Variants in PCDH15 observed in about 807,000 individuals in gnomAD.
PCDH15 encodes the protein protocadherin-15.
Under a neutral mutation model 178.5 loss-of-function variants are expected in PCDH15, and 129 were observed. The ratio of observed to expected loss-of-function variants is 0.72; its 90% CI spans 0.63 to 0.84. The LOEUF is 0.84. Ranked by LOEUF, PCDH15 falls within the 40% of genes least tolerant of loss-of-function variation. The probability of loss-of-function intolerance (pLI) is 0.00; values close to 1 mark genes in which losing one functional copy is unlikely to be tolerated. For synonymous variants in PCDH15, 800 were observed against 732.0 expected (o/e 1.09, Z -1.50); for missense variants, 2,230 against 2,099.9 (o/e 1.06, Z -1.21).
rs1338559516 is a variant in PCDH15, at chr10:53,940,911, T to C, written c.3187A>G (p.Ile1063Val). ...TMVGVISAAA[I>V]NQSIVYSIVS... ...ATGGAGTACACAATACTTTGATTAA[T>C]GGCAGCAGCAGAAATTACACCAACC... The change falls in exon 24 of 38, where the codon ATT becomes GTT. Residue 1063 changes from isoleucine to valine, a missense_variant. By Grantham distance (29) the Ile-to-Val change is conservative (BLOSUM62 3). Coordinates refer to ENST00000644397, the MANE Select transcript of PCDH15 (RefSeq NM_001384140.1). The C allele has an allele frequency of 6.2e-6, 10 of 1,613,684 alleles. No individual in the cohort carries two copies. Among genetic ancestry groups the C allele is most frequent in the Non-Finnish European group, 8.5e-6 (10 of 1,179,732 alleles).
At chr10:53,990,885 TGGC>T (rs1475626163) in intron 21 of PCDH15, among the ~76,000 whole-genome samples, 4 of 152,034 alleles carry the variant, frequency 2.6e-5, no homozygotes, top group Non-Finnish European at 5.9e-5. Context: ...GGTGTGGGCT[TGGC>T]GGGCCCCACA....
rs998351774 is a variant in PCDH15, at chr10:53,803,620, T to C, written c.*2959A>G. On this transcript the variant is annotated 3_prime_UTR_variant, in exon 38 of 38. Transcript: ENST00000644397. Reference sequence around the variant, plus strand: ...TGCAATTCTATGACAACTCTCAGAGTCTGTAATTAATGAGAAAGACAAATT... The same window carrying C: ...TGCAATTCTATGACAACTCTCAGAGCCTGTAATTAATGAGAAAGACAAATT... 8 of 152,026 alleles carry C rather than the reference T, an allele frequency of 5.3e-5. No individual in the cohort carries two copies. The highest frequency in any genetic ancestry group is 5.2e-4 in the Admixed American group (8 of 15,244). 9.4% of individuals were successfully genotyped at this position (152,026 alleles called of 1,614,324 possible).
At chr10:55,426,400 C>T (rs1164798639) in intron 2 of PCDH15, among the ~76,000 whole-genome samples, 1 of 152,112 alleles carries the variant, frequency 6.6e-6, no homozygotes, top group Non-Finnish European at 1.5e-5. Flanking sequence ...CTGCATCCAC[C>T]CCTCATGGAA....
At chr10:54,888,373 C>A (rs1290668464) in intron 3 of PCDH15, among the ~76,000 whole-genome samples, 2 of 151,854 alleles carry the variant, frequency 1.3e-5, no homozygotes, top group South Asian at 2.1e-4. Flanking sequence ...ATCAATATTT[C>A]TTTTCCCTGA....
intron 2 of PCDH15, among the ~76,000 whole-genome samples, chr10:54,603,175 T>C (rs1457167381): frequency 6.6e-6 from 1 of 151,836 alleles, no homozygotes; most frequent in Non-Finnish European, 1.5e-5. Context: ...TGTATATTTA[T>C]TCATAACAGT....
At chr10:55,069,717 G>A (rs945424746) in intron 2 of PCDH15, among the ~76,000 whole-genome samples, 5 of 143,674 alleles carry the variant, frequency 3.5e-5, no homozygotes, top group South Asian at 2.3e-4. Flanking sequence ...TTGCTATTGT[G>A]AATAGTGCCG....
intron 32 of PCDH15, chr10:53,821,853 C>G (rs766511056): frequency 6.2e-7 from 1 of 1,612,238 alleles, no homozygotes; most frequent in South Asian, 1.1e-5. Flanking sequence ...ATAAGAAAAG[C>G]AACATTACAG....
intron 2 of PCDH15, among the ~76,000 whole-genome samples, chr10:55,002,152 A>T (rs1427237610): frequency 6.6e-6 from 1 of 152,070 alleles, no homozygotes; most frequent in Non-Finnish European, 1.5e-5. Flanking sequence ...AGCTTAAAAG[A>T]AAATATTGTG....
At chr10:54,240,780 C>G (rs1015642516) in intron 8 of PCDH15, among the ~76,000 whole-genome samples, 2 of 151,458 alleles carry the variant, frequency 1.3e-5, no homozygotes, top group Non-Finnish European at 2.9e-5. Context: ...TACAGGCGCC[C>G]GCCACCACGC....
intron 1 of PCDH15, among the ~76,000 whole-genome samples, chr10:54,680,612 C>T (rs1449614713): frequency 6.6e-6 from 1 of 152,062 alleles, no homozygotes; most frequent in African/African-American, 2.4e-5. Context: ...AGGGTGGGGC[C>T]AGGTGAAGAT....
Position 55,156,412 on chromosome 10 carries a change from T to A in PCDH15, c.-80+10164A>T, listed in dbSNP as rs181182495. On this transcript the variant is annotated intron_variant, in intron 2 of 5. Transcript: ENST00000458638. Reference sequence around the variant, plus strand: ...TGGCCAGTTTTCCCTAAGGCGGCCTTCTTCTAGGTTGAATGGTAAGTAGTT... The same window carrying A: ...TGGCCAGTTTTCCCTAAGGCGGCCTACTTCTAGGTTGAATGGTAAGTAGTT... Among the ~76,000 whole-genome samples, 97 of 152,254 alleles carry A rather than the reference T, an allele frequency of 6.4e-4. 1 individual carries two copies. In the East Asian group the frequency reaches 0.018, roughly 28 times the overall value.
At chr10:54,357,414 C>T (rs577950890) in intron 5 of PCDH15, among the ~76,000 whole-genome samples, 301 of 152,132 alleles carry the variant, frequency 2.0e-3, no homozygotes, top group Admixed American at 3.0e-3. Context: ...CCATTCACAA[C>T]TGCTTCAAAG....
At chr10:55,360,768 T>A (rs1266130636) in intron 2 of PCDH15, among the ~76,000 whole-genome samples, 1 of 151,990 alleles carries the variant, frequency 6.6e-6, no homozygotes, top group African/African-American at 2.4e-5. Flanking sequence ...TCACTCTGGG[T>A]AACATTTTGA....
intron 1 of PCDH15, among the ~76,000 whole-genome samples, chr10:54,790,343 T>C (rs1951285485): frequency 6.6e-6 from 1 of 150,604 alleles, no homozygotes; most frequent in Non-Finnish European, 1.5e-5. Context: ...TATATTTACA[T>C]ATATATATAT....
At chr10:54,784,648 T>G (rs888967382) in intron 1 of PCDH15, among the ~76,000 whole-genome samples, 2 of 151,788 alleles carry the variant, frequency 1.3e-5, no homozygotes, top group South Asian at 4.1e-4. Flanking sequence ...ATATCTAACA[T>G]CATGAAATCA....
chr10:54,795,736 T>TTTGATA (rs1274333500), intron 1 of PCDH15, among the ~76,000 whole-genome samples: 2 of 151,974 alleles, frequency 1.3e-5, no homozygotes, highest in East Asian at 3.9e-4. Flanking sequence ...CAACTATAGC[T>TTTGATA]TATCAATATT....
intron 2 of PCDH15, among the ~76,000 whole-genome samples, chr10:54,661,082 A>T (rs558197777): frequency 1.3e-5 from 2 of 152,174 alleles, no homozygotes; most frequent in African/African-American, 4.8e-5. Flanking sequence ...AATGTCTTCC[A>T]TATTGAAAAA....
At chr10:54,014,784 G>A (rs1242303118) in intron 20 of PCDH15, among the ~76,000 whole-genome samples, 1 of 152,068 alleles carries the variant, frequency 6.6e-6, no homozygotes, top group East Asian at 1.9e-4. Flanking sequence ...AGCCATCTAT[G>A]ACAAATGCAC....
intron 8 of PCDH15, among the ~76,000 whole-genome samples, chr10:54,263,786 A>G (rs2132338964): frequency 6.6e-6 from 1 of 152,278 alleles, no homozygotes; most frequent in South Asian, 2.1e-4. Context: ...GTATTAAAGG[A>G]TGCAAAATAT....
Sources: gnomAD v4.1 joint callset for allele counts (sites outside exome capture counted in the v4.1 genomes callset) on GRCh38, gnomAD v4.1.1 for gene constraint, MANE v1.5 for transcripts, NCBI Gene and HGNC (gene_info 2026-07-23, HGNC 2026-07-21) for gene names.